Variants in EXOC6 observed in about 807,000 individuals in gnomAD.
EXOC6 encodes exocyst complex component 6.
EXOC6 carries 60 observed loss-of-function variants against 112.5 expected under a neutral mutation model. That is an observed-to-expected ratio of 0.53 (90% CI 0.43 to 0.66). EXOC6 has a LOEUF of 0.66. Ranked by LOEUF, EXOC6 falls within the 30% of genes least tolerant of loss-of-function variation. The pLI is 0.00. For synonymous variants in EXOC6, 295 were observed against 308.0 expected (o/e 0.96, Z 0.44); for missense variants, 855 against 957.1 (o/e 0.89, Z 1.41).
intron 18 of EXOC6, among the ~76,000 whole-genome samples, chr10:92,994,721 C>G (rs1463369750): frequency 6.6e-6 from 1 of 151,802 alleles, no homozygotes; most frequent in Non-Finnish European, 1.5e-5. Flanking sequence ...TAAAAGTACT[C>G]AGACTATTTT....
At chr10:92,941,625 A>G (rs1852672627) in intron 13 of EXOC6, among the ~76,000 whole-genome samples, 1 of 152,218 alleles carries the variant, frequency 6.6e-6, no homozygotes, top group Admixed American at 6.5e-5. Flanking sequence ...ATAAGTATTC[A>G]AAGATATTTT....
At chr10:92,866,476 G>A (rs1279823566) in intron 1 of EXOC6, among the ~76,000 whole-genome samples, 3 of 152,016 alleles carry the variant, frequency 2.0e-5, no homozygotes, top group Non-Finnish European at 2.9e-5. Context: ...CTTGGGTTCT[G>A]TTGTACTAAA....
Position 93,012,417 on chromosome 10 carries a change from T to G in EXOC6, c.2096-1777T>G, listed in dbSNP as rs75950540. 6.6e-3 allele frequency among the ~76,000 whole-genome samples: 999 copies of G among 152,330 alleles called. 8 individuals are homozygous for G. Among genetic ancestry groups the G allele is most frequent in the African/African-American group, 0.023 (956 of 41,564 alleles). ...CCATAACAGCCCCTGGGAATTTTAC[T>G]TTATAGAACAAAATGTATTCTTAAT... is the stretch of plus-strand genomic sequence containing the variant. On this transcript the variant is annotated intron_variant, in intron 19 of 21. Coordinates refer to ENST00000260762, the MANE Select transcript of EXOC6 (RefSeq NM_019053.6).
intron 17 of EXOC6, among the ~76,000 whole-genome samples, chr10:92,972,567 G>A (rs1182319631): frequency 1.3e-5 from 2 of 152,152 alleles, no homozygotes; most frequent in African/African-American, 4.8e-5. Context: ...AAATTGTCAT[G>A]GCACTGGTGG....
At chr10:92,928,029 A>C (rs1288328859) in intron 8 of EXOC6, among the ~76,000 whole-genome samples, 1 of 152,194 alleles carries the variant, frequency 6.6e-6, no homozygotes, top group African/African-American at 2.4e-5. Context: ...CTAATCTTTC[A>C]CTGGGCTTCC....
rs537558535 is a variant in EXOC6, at chr10:92,917,695, A to T, written c.819+1782A>T. Among the ~76,000 whole-genome samples the T allele has an allele frequency of 4.7e-5, 7 of 149,154 alleles. No homozygotes were observed. In the South Asian group the frequency reaches 6.4e-4, roughly 14 times the overall value. ...ACACTATCACCATGCCTGGCTAATT[A>T]AAAAAAAAAAATTTCTTATAGAGAC... On this transcript the variant is annotated intron_variant, in intron 7 of 21. Coordinates refer to ENST00000260762, the MANE Select transcript of EXOC6 (RefSeq NM_019053.6).
At chr10:93,027,134 A>G (rs934186045) in intron 20 of EXOC6, among the ~76,000 whole-genome samples, 2 of 152,218 alleles carry the variant, frequency 1.3e-5, no homozygotes, top group African/African-American at 4.8e-5. Flanking sequence ...TCTGGATAAA[A>G]ATGAAACCAG....
At chr10:92,993,511 T>C (rs901479208) in intron 18 of EXOC6, among the ~76,000 whole-genome samples, 1 of 152,152 alleles carries the variant, frequency 6.6e-6, no homozygotes, top group Non-Finnish European at 1.5e-5. Context: ...AAGACACAAA[T>C]GAAAACTTCA....
chr10:92,872,501 TATTA>T (rs1416242275), intron 1 of EXOC6, among the ~76,000 whole-genome samples: 1 of 152,100 alleles, frequency 6.6e-6, no homozygotes, highest in Non-Finnish European at 1.5e-5. Context: ...ATACATGCCT[TATTA>T]ATTAAGTTCA....
intron 18 of EXOC6, among the ~76,000 whole-genome samples, chr10:92,979,896 CAAAAAAAA>C (rs5787028): frequency 3.6e-5 from 3 of 84,414 alleles, no homozygotes; most frequent in African/African-American, 4.5e-5. Context: ...GACACTGTCT[CAAAAAAAA>C]AAAAAAAAAA....
chr10:92,863,084 T>C (rs1027210051), intron 1 of EXOC6, among the ~76,000 whole-genome samples: 1 of 152,202 alleles, frequency 6.6e-6, no homozygotes, highest in Non-Finnish European at 1.5e-5. Flanking sequence ...ATGATGGACT[T>C]TAACAGCTAT....
intron 15 of EXOC6, among the ~76,000 whole-genome samples, chr10:92,953,053 CTTTG>C (rs746447320): frequency 1.8e-4 from 27 of 151,878 alleles, no homozygotes; most frequent in Non-Finnish European, 3.7e-4. Flanking sequence ...AATGGTAGTT[CTTTG>C]TGTTTGTTTT....
At chr10:92,946,947 CACA>C (rs1853055318) in intron 13 of EXOC6, among the ~76,000 whole-genome samples, 1 of 152,150 alleles carries the variant, frequency 6.6e-6, no homozygotes, top group African/African-American at 2.4e-5. Context: ...GTATGTATAG[CACA>C]ACATTATAGA....
chr10:92,930,113 T>A (rs1240674092), intron 9 of EXOC6, among the ~76,000 whole-genome samples: 1 of 152,228 alleles, frequency 6.6e-6, no homozygotes, highest in Non-Finnish European at 1.5e-5. Context: ...ATTTATTGAA[T>A]ACTCCACCCC....
At chr10:92,905,019 G>T (rs1375962324) in intron 5 of EXOC6, among the ~76,000 whole-genome samples, 2 of 151,966 alleles carry the variant, frequency 1.3e-5, no homozygotes, top group Non-Finnish European at 2.9e-5. Flanking sequence ...TTTTGCATGT[G>T]AATGTCCAGT....
At chr10:92,880,025 T>A (rs1223887949) in intron 1 of EXOC6, among the ~76,000 whole-genome samples, 1 of 152,214 alleles carries the variant, frequency 6.6e-6, no homozygotes, top group Admixed American at 6.5e-5. Flanking sequence ...AATACTTAGT[T>A]GTTGATTAGG....
intron 1 of EXOC6, among the ~76,000 whole-genome samples, chr10:92,840,390 A>T (rs1846803195): frequency 6.6e-6 from 1 of 152,116 alleles, no homozygotes; most frequent in African/African-American, 2.4e-5. Context: ...TTATGATAAA[A>T]CCTATCTCAA....
At chr10:93,056,846 C>T in intron 20 of EXOC6, 78 bp from the exon 21 acceptor site, 1 of 781,734 alleles carries the variant, frequency 1.3e-6, no homozygotes, top group South Asian at 1.7e-5. Flanking sequence ...TTAAAATGGA[C>T]CAAGGATAGC....
At chr10:92,943,885 C>T (rs999395163) in intron 13 of EXOC6, among the ~76,000 whole-genome samples, 6 of 152,188 alleles carry the variant, frequency 3.9e-5, no homozygotes, top group Non-Finnish European at 8.8e-5. Context: ...CCTACCCTGC[C>T]TACGCCACTT....
Sources: allele counts gnomAD v4.1 joint callset (sites outside exome capture counted in the v4.1 genomes callset), GRCh38; gene constraint gnomAD v4.1.1; transcripts MANE v1.5; gene names NCBI Gene and HGNC (gene_info 2026-07-23, HGNC 2026-07-21).